The following MAP7 variants were observed in gnomAD, a reference collection of about 807,000 sequenced individuals.
The protein encoded by MAP7 is ensconsin.
In MAP7, 52 loss-of-function variants were observed where a neutral mutation model predicts 94.8. The observed-to-expected ratio is 0.55, with a 90% CI of 0.44 to 0.69. MAP7 has a LOEUF of 0.69. MAP7 is among the 30% of genes least tolerant of loss of function. The pLI is 0.00. For missense variants in MAP7, 940 were observed against 964.6 expected (o/e 0.97, Z 0.34); for synonymous variants, 350 against 357.0 (o/e 0.98, Z 0.22).
chr6:136,532,159 A>G (rs537419470), intron 1 of MAP7, among the ~76,000 whole-genome samples: 2 of 152,346 alleles, frequency 1.3e-5, no homozygotes, highest in East Asian at 3.9e-4. Context: ...CAACAAGCTC[A>G]CTAAACATCA....
intron 1 of MAP7, among the ~76,000 whole-genome samples, chr6:136,541,380 G>T (rs966801562): frequency 3.3e-5 from 5 of 152,150 alleles, no homozygotes; most frequent in African/African-American, 1.2e-4. Flanking sequence ...ATACTCAGAG[G>T]TTATGCCATA....
chr6:136,366,190 T>C, intron 9 of MAP7, 137 bp downstream of exon 9: 1 of 1,034,396 alleles, frequency 9.7e-7, no homozygotes, highest in Non-Finnish European at 1.4e-6. Context: ...AATTTCTCTT[T>C]TTTCTTTCCT....
intron 1 of MAP7, 115 bp from the exon 2 acceptor site, chr6:136,421,914 T>C (rs1007718412): frequency 1.1e-5 from 8 of 748,828 alleles, no homozygotes; most frequent in Non-Finnish European, 1.5e-5. Context: ...TAGGCTAGAT[T>C]AAGGAAATGA....
At chr6:136,454,607 CTT>C (rs1274180917) in intron 1 of MAP7, among the ~76,000 whole-genome samples, 1 of 150,766 alleles carries the variant, frequency 6.6e-6, no homozygotes, top group Non-Finnish European at 1.5e-5. Flanking sequence ...CTGAAAATGT[CTT>C]TTAAATAGCA....
intron 17 of MAP7, among the ~76,000 whole-genome samples, chr6:136,344,639 G>C (rs943785803): frequency 1.3e-5 from 2 of 152,188 alleles, no homozygotes; most frequent in African/African-American, 4.8e-5. Context: ...TCTGTAACAT[G>C]AGTAGGAAGC....
At chr6:136,411,745 AAAAAAG>A in intron 2 of MAP7, 48 bp from the exon 3 acceptor site, 1 of 1,428,114 alleles carries the variant, frequency 7.0e-7, no homozygotes, top group Non-Finnish European at 9.5e-7. Context: ...GGATTAAAAA[AAAAAAG>A]AAAAAGAAAA....
At chr6:136,424,940 C>G (rs1437219814) in intron 1 of MAP7, among the ~76,000 whole-genome samples, 2 of 152,224 alleles carry the variant, frequency 1.3e-5, no homozygotes, top group East Asian at 3.8e-4. Flanking sequence ...AGCTTAAACT[C>G]AGTTCCCAGC....
intron 2 of MAP7, among the ~76,000 whole-genome samples, chr6:136,414,670 C>T (rs969023541): frequency 3.0e-4 from 46 of 152,036 alleles, no homozygotes; most frequent in African/African-American, 1.1e-3. Context: ...TAAACAGGAT[C>T]TTGCTGTGTC....
chr6:136,485,448 T>A (rs1266591291), intron 1 of MAP7, among the ~76,000 whole-genome samples: 1 of 152,000 alleles, frequency 6.6e-6, no homozygotes, highest in African/African-American at 2.4e-5. Context: ...TGTACCAGGA[T>A]AAGCACATTA....
intron 15 of MAP7, 68 bp downstream of exon 15, chr6:136,359,752 C>G: frequency 7.0e-7 from 1 of 1,430,646 alleles, no homozygotes. Context: ...TCCTGAATAT[C>G]TTCACCCCTG....
intron 3 of MAP7, among the ~76,000 whole-genome samples, chr6:136,400,415 CAAAAAA>C (rs756984331): frequency 7.7e-4 from 48 of 62,168 alleles, no homozygotes; most frequent in South Asian, 3.0e-3. Context: ...GACTCTGTCT[CAAAAAA>C]AAAAAAAAAA....
chr6:136,546,844 A>AT (rs1302267107), intron 1 of MAP7, among the ~76,000 whole-genome samples: 2 of 152,184 alleles, frequency 1.3e-5, no homozygotes, highest in Non-Finnish European at 2.9e-5. Context: ...AGATGTTAGA[A>AT]TTTTTTTAGA....
At chr6:136,394,937 T>TATATATATATATAC (rs1781917286) in intron 3 of MAP7, among the ~76,000 whole-genome samples, 7 of 84,414 alleles carry the variant, frequency 8.3e-5, no homozygotes, top group African/African-American at 3.9e-4. Context: ...CCATCATATA[T>TATATATATATATAC]ATATATATAT....
chr6:136,467,898 G>C (rs527710476), intron 1 of MAP7, among the ~76,000 whole-genome samples: 1 of 152,290 alleles, frequency 6.6e-6, no homozygotes, highest in African/African-American at 2.4e-5. Context: ...TAGCCCCTTT[G>C]AGCAGTTGGA....
chr6:136,538,798 C>CA (rs397836178), intron 1 of MAP7, among the ~76,000 whole-genome samples: 10,571 of 65,524 alleles, frequency 0.16, 875 homozygotes, highest in South Asian at 0.31. Context: ...GATTTTGTCT[C>CA]AAAAAAAAAA....
intron 6 of MAP7, among the ~76,000 whole-genome samples, chr6:136,380,464 G>A (rs1000963338): frequency 3.3e-5 from 5 of 152,180 alleles, no homozygotes; most frequent in Admixed American, 2.6e-4. Flanking sequence ...AGGTAAAACA[G>A]AACAAGCCTG....
intron 1 of MAP7, among the ~76,000 whole-genome samples, chr6:136,511,191 A>G (rs1334448345): frequency 6.6e-6 from 1 of 152,172 alleles, no homozygotes; most frequent in Non-Finnish European, 1.5e-5. Flanking sequence ...TTCCACTCAA[A>G]ATTCATACTA....
In MAP7 at chr6:136,353,966, TG is replaced by T. The variant is rs529376065; in HGVS notation, c.2015+2725del. Among the ~76,000 whole-genome samples, 10 of 152,000 alleles carry T rather than the reference TG, an allele frequency of 6.6e-5. No individual in the cohort carries two copies. The East Asian group carries it at 1.9e-3, about 29-fold the overall frequency. On this transcript the variant is annotated intron_variant, in intron 16 of 17. Transcript: ENST00000354570. ...ATCAAGGGATAGAAGGGTAACACTG[TG>T]GGGGAAGGTTGAAAGTAGTTTTATT...
At chr6:136,430,944 G>C (rs747136526) in intron 1 of MAP7, among the ~76,000 whole-genome samples, 67 of 152,152 alleles carry the variant, frequency 4.4e-4, no homozygotes, top group Non-Finnish European at 9.4e-4. Flanking sequence ...CCACACCAGA[G>C]TGGTCCACCG....
Sources: gnomAD v4.1 joint callset for allele counts (sites outside exome capture counted in the v4.1 genomes callset) on GRCh38, gnomAD v4.1.1 for gene constraint, MANE v1.5 for transcripts, NCBI Gene and HGNC (gene_info 2026-07-23, HGNC 2026-07-21) for gene names.